The following PDE1A variants were observed in gnomAD, a reference collection of about 807,000 sequenced individuals.
PDE1A encodes the protein phosphodiesterase 1A, also known as dual specificity calcium/calmodulin-dependent 3',5'-cyclic nucleotide phosphodiesterase 1A.
Under a neutral mutation model 61.7 loss-of-function variants are expected in PDE1A, and 35 were observed. The ratio of observed to expected loss-of-function variants is 0.57; its 90% CI spans 0.43 to 0.75. The LOEUF is 0.75. PDE1A is among the 30% of genes least tolerant of loss of function. The pLI is 0.00. For synonymous variants in PDE1A, 232 were observed against 213.2 expected (o/e 1.09, Z -0.77); for missense variants, 597 against 630.6 (o/e 0.95, Z 0.57).
intron 1 of PDE1A, among the ~76,000 whole-genome samples, chr2:182,294,026 T>C (rs1694711748): frequency 6.6e-6 from 1 of 152,222 alleles, no homozygotes; most frequent in Non-Finnish European, 1.5e-5. Flanking sequence ...GTAGCATATA[T>C]AGCACAGCTA....
chr2:182,564,580 C>G, the PDE1A span, among the ~76,000 whole-genome samples: 1 of 152,042 alleles, frequency 6.6e-6, no homozygotes, highest in Admixed American at 6.6e-5. Flanking sequence ...TCTGTATTTC[C>G]TGAATCTGAA....
At chr2:182,256,590 T>A (rs1276157259) in intron 2 of PDE1A, among the ~76,000 whole-genome samples, 1 of 151,988 alleles carries the variant, frequency 6.6e-6, no homozygotes, top group Non-Finnish European at 1.5e-5. Flanking sequence ...TTATTCACAA[T>A]AGCAAAGACT....
chr2:182,386,456 C>T (rs949166323), intron 1 of PDE1A, among the ~76,000 whole-genome samples: 8 of 151,494 alleles, frequency 5.3e-5, no homozygotes, highest in South Asian at 2.1e-4. Flanking sequence ...TCTGCCCCGG[C>T]GCCCTGTCTG....
chr2:182,641,527 C>A, the PDE1A span, among the ~76,000 whole-genome samples: 3 of 152,022 alleles, frequency 2.0e-5, no homozygotes, highest in African/African-American at 7.2e-5. Flanking sequence ...AACCACTAAT[C>A]CAAATGAGTT....
intron 1 of PDE1A, among the ~76,000 whole-genome samples, chr2:182,369,026 T>C (rs901951307): frequency 1.3e-5 from 2 of 152,134 alleles, no homozygotes; most frequent in African/African-American, 4.8e-5. Context: ...AAAAAACTGC[T>C]AAATAGTCAC....
At chr2:182,522,250 A>G (rs200460962) in intron 2 of PDE1A, 13 of 1,583,756 alleles carry the variant, frequency 8.2e-6, no homozygotes, top group East Asian at 2.2e-5. Context: ...TTTTGGGGGG[A>G]AATAAAAAGC....
the PDE1A span, among the ~76,000 whole-genome samples, chr2:182,700,769 T>TAAAAAAAAAAAAAAAAAAA: frequency 8.1e-6 from 1 of 123,584 alleles, no homozygotes; most frequent in Non-Finnish European, 1.8e-5. Context: ...AAAAAGAAAT[T>TAAAAAAAAAAAAAAAAAAA]AGCTGGGCGT....
chr2:182,224,307 T>G (rs1688966107), intron 6 of PDE1A, among the ~76,000 whole-genome samples: 1 of 151,978 alleles, frequency 6.6e-6, no homozygotes, highest in Non-Finnish European at 1.5e-5. Context: ...GTTTGGTGAT[T>G]TTTATCATAC....
intron 2 of PDE1A, among the ~76,000 whole-genome samples, chr2:182,241,558 T>C (rs1690512448): frequency 6.6e-6 from 1 of 152,156 alleles, no homozygotes; most frequent in African/African-American, 2.4e-5. Flanking sequence ...GCTCAAAAGG[T>C]AATATGCAGG....
chr2:182,546,145 C>T, the PDE1A span, among the ~76,000 whole-genome samples: 2 of 152,108 alleles, frequency 1.3e-5, no homozygotes, highest in Admixed American at 6.5e-5. Context: ...TCATCTCTTG[C>T]CTGAAAGTGG....
chr2:182,286,686 C>A (rs1694187084), intron 1 of PDE1A, among the ~76,000 whole-genome samples: 1 of 152,074 alleles, frequency 6.6e-6, no homozygotes, highest in Non-Finnish European at 1.5e-5. Context: ...ATGTGGAAGG[C>A]TTTATGGTTA....
the PDE1A span, among the ~76,000 whole-genome samples, chr2:182,692,414 C>T: frequency 2.6e-5 from 4 of 151,336 alleles, no homozygotes; most frequent in Admixed American, 1.3e-4. Context: ...CAAACTATTG[C>T]AAGGATAAAA....
chr2:182,309,111 A>G (rs1248100806), intron 1 of PDE1A, among the ~76,000 whole-genome samples: 2 of 151,934 alleles, frequency 1.3e-5, no homozygotes, highest in Non-Finnish European at 2.9e-5. Context: ...CATGAAATTC[A>G]GGTTTTCCTT....
upstream of PDE1A, among the ~76,000 whole-genome samples, chr2:182,428,582 T>G (rs1015318855): frequency 6.6e-6 from 1 of 152,138 alleles, no homozygotes; most frequent in African/African-American, 2.4e-5. Flanking sequence ...ATACTGACCA[T>G]GTATAAACAA....
chr2:182,607,574 T>A, the PDE1A span, among the ~76,000 whole-genome samples: 1 of 152,168 alleles, frequency 6.6e-6, no homozygotes, highest in Non-Finnish European at 1.5e-5. Flanking sequence ...GAGTTTCACA[T>A]CAATGAATAC....
chr2:182,334,100 C>A (rs1321605644), intron 1 of PDE1A, among the ~76,000 whole-genome samples: 1 of 151,820 alleles, frequency 6.6e-6, no homozygotes, highest in Non-Finnish European at 1.5e-5. Context: ...AGCCTACCAA[C>A]CAAAAAAAAC....
At chr2:182,262,192 C>CT (rs374697645) in intron 2 of PDE1A, among the ~76,000 whole-genome samples, 1 of 147,282 alleles carries the variant, frequency 6.8e-6, no homozygotes, top group East Asian at 2.0e-4. Context: ...TTTCCTTTTT[C>CT]TTTTTTTCTC....
At chr2:182,671,212 C>T in the PDE1A span, among the ~76,000 whole-genome samples, 258 of 150,774 alleles carry the variant, frequency 1.7e-3, no homozygotes, top group African/African-American at 6.0e-3. Flanking sequence ...CGCTCTGTCG[C>T]CCAGGCTGGA....
At position 182,276,046 on chromosome 2, in the gene PDE1A, G is replaced by A. The variant is rs370224899; in HGVS notation, c.54-11632C>T. Reference sequence around the variant, plus strand: ...CTAGAAAGGAAGGAGGAATCTAAGAGATATAAAATTAATGACCAGAAAAAT... The same window carrying A: ...CTAGAAAGGAAGGAGGAATCTAAGAAATATAAAATTAATGACCAGAAAAAT... On this transcript the variant is annotated intron_variant, in intron 1 of 13. Transcript: ENST00000351439. 4.6e-5 allele frequency among the ~76,000 whole-genome samples: 7 copies of A among 152,140 alleles called. No individual in the cohort carries two copies. In the East Asian group the frequency reaches 1.4e-3, roughly 29 times the overall value.
Sources: gnomAD v4.1 joint callset for allele counts (sites outside exome capture counted in the v4.1 genomes callset) on GRCh38, gnomAD v4.1.1 for gene constraint, MANE v1.5 for transcripts, NCBI Gene and HGNC (gene_info 2026-07-23, HGNC 2026-07-21) for gene names.